Variants in GABRB3 observed in about 807,000 individuals in gnomAD.
GABRB3 encodes gamma-aminobutyric acid receptor subunit beta-3.
GABRB3 carries 14 observed loss-of-function variants against 52.1 expected under a neutral mutation model. The ratio of observed to expected loss-of-function variants is 0.27; its 90% CI spans 0.18 to 0.42. The LOEUF is 0.42. GABRB3 is among the 10% of genes least tolerant of loss of function. The pLI is 1.00. For synonymous variants in GABRB3, 260 were observed against 232.3 expected (o/e 1.12, Z -1.08); for missense variants, 307 against 609.1 (o/e 0.50, Z 5.22).
intron 2 of GABRB3, 73 bp from the exon 3 acceptor site, chr15:26,772,542 C>A: frequency 6.6e-7 from 1 of 1,520,564 alleles, no homozygotes; most frequent in Non-Finnish European, 8.9e-7. Context: ...GGACTGGGGG[C>A]TATCCCAGGA....
chr15:26,725,503 C>T (rs1392444636), intron 3 of GABRB3, among the ~76,000 whole-genome samples: 1 of 152,188 alleles, frequency 6.6e-6, no homozygotes. Flanking sequence ...GAACCTTGAC[C>T]TCATAGTAAG....
intron 3 of GABRB3, among the ~76,000 whole-genome samples, chr15:26,670,721 G>C (rs1000325175): frequency 2.5e-4 from 38 of 152,220 alleles, no homozygotes; most frequent in African/African-American, 9.2e-4. Flanking sequence ...TGAGCAATTT[G>C]ATGAGATTCA....
chr15:26,695,529 TCA>T (rs1491262111), intron 3 of GABRB3, among the ~76,000 whole-genome samples: 6 of 97,924 alleles, frequency 6.1e-5, no homozygotes, highest in African/African-American at 1.5e-4. Context: ...AAATAGTTTC[TCA>T]CAAACAGAAA....
intron 3 of GABRB3, among the ~76,000 whole-genome samples, chr15:26,734,038 T>A (rs1010931693): frequency 6.7e-6 from 1 of 148,158 alleles, no homozygotes; most frequent in Non-Finnish European, 1.5e-5. Flanking sequence ...TTTTTTTTTT[T>A]TTTTTTTTGA....
intron 3 of GABRB3, among the ~76,000 whole-genome samples, chr15:26,638,409 G>A (rs562671132): frequency 6.6e-6 from 1 of 152,286 alleles, no homozygotes; most frequent in African/African-American, 2.4e-5. Context: ...AGGTCTAAAG[G>A]TTAGATTACC....
At chr15:26,657,987 A>T (rs953432180) in intron 3 of GABRB3, among the ~76,000 whole-genome samples, 1 of 152,186 alleles carries the variant, frequency 6.6e-6, no homozygotes, top group Non-Finnish European at 1.5e-5. Context: ...ATGGCTAGGG[A>T]GTCATGCAGC....
At chr15:26,603,210 A>G (rs556672710) in intron 4 of GABRB3, among the ~76,000 whole-genome samples, 2 of 152,088 alleles carry the variant, frequency 1.3e-5, no homozygotes, top group Non-Finnish European at 2.9e-5. Flanking sequence ...TTGAACCACG[A>G]AGAAATCCAA....
chr15:26,768,109 T>C (rs1673493249), intron 3 of GABRB3, among the ~76,000 whole-genome samples: 1 of 152,106 alleles, frequency 6.6e-6, no homozygotes, highest in Admixed American at 6.5e-5. Flanking sequence ...TCATGATAAC[T>C]AAAAATACAC....
chr15:26,604,969 A>G (rs1244073424), intron 4 of GABRB3, among the ~76,000 whole-genome samples: 1 of 152,202 alleles, frequency 6.6e-6, no homozygotes, highest in Non-Finnish European at 1.5e-5. Context: ...CAATCAACAA[A>G]GTAACAGAAT....
intron 3 of GABRB3, among the ~76,000 whole-genome samples, chr15:26,695,088 T>C (rs1391794121): frequency 6.6e-6 from 1 of 152,076 alleles, no homozygotes; most frequent in Admixed American, 6.6e-5. Context: ...AACGTATATG[T>C]AATGGTAATA....
chr15:26,667,769 T>C (rs756936068), intron 3 of GABRB3, among the ~76,000 whole-genome samples: 2 of 152,122 alleles, frequency 1.3e-5, no homozygotes, highest in Non-Finnish European at 2.9e-5. Context: ...GACCAGTTTA[T>C]TCAGAAACTC....
Position 26,611,430 on chromosome 15 carries a change from A to C in GABRB3, c.461+9884T>G, listed in dbSNP as rs138598604. On this transcript the variant is annotated intron_variant, in intron 4 of 8. Transcript: ENST00000311550. Reference sequence around the variant, plus strand: ...TGCTTCTTAGGTTTTCACAAAATTTAATATTATTAAGAATAAGAACTGCAG... The same window carrying C: ...TGCTTCTTAGGTTTTCACAAAATTTCATATTATTAAGAATAAGAACTGCAG... 7.1e-3 allele frequency among the ~76,000 whole-genome samples: 1,083 copies of C among 152,306 alleles called. 35 individuals carry two copies. The highest frequency in any genetic ancestry group is 0.063 in the Admixed American group (966 of 15,292).
At chr15:26,678,119 G>A (rs1214709285) in intron 3 of GABRB3, among the ~76,000 whole-genome samples, 2 of 152,140 alleles carry the variant, frequency 1.3e-5, no homozygotes, top group Admixed American at 6.5e-5. Flanking sequence ...CCATGTGAGG[G>A]CTAGGATAGG....
At chr15:26,618,953 C>G (rs1334206369) in intron 4 of GABRB3, among the ~76,000 whole-genome samples, 3 of 146,928 alleles carry the variant, frequency 2.0e-5, no homozygotes, top group Non-Finnish European at 4.5e-5. Flanking sequence ...AAATGCAAAT[C>G]AAAACCACAA....
At chr15:26,566,972 T>C (rs1595445395) in intron 7 of GABRB3, among the ~76,000 whole-genome samples, 1 of 152,396 alleles carries the variant, frequency 6.6e-6, no homozygotes, top group East Asian at 1.9e-4. Context: ...AGTTTCATAT[T>C]AATCAGCTGA....
intron 3 of GABRB3, among the ~76,000 whole-genome samples, chr15:26,751,008 T>G (rs1035577083): frequency 3.3e-5 from 5 of 152,196 alleles, no homozygotes; most frequent in African/African-American, 1.2e-4. Flanking sequence ...TCCTCTAAAA[T>G]TATGTATTAT....
chr15:26,620,584 G>C (rs1309219315), intron 4 of GABRB3, among the ~76,000 whole-genome samples: 1 of 152,108 alleles, frequency 6.6e-6, no homozygotes, highest in Non-Finnish European at 1.5e-5. Context: ...ACAAAATACT[G>C]TTCTAAATAA....
At chr15:26,748,830 A>T (rs1298534214) in intron 3 of GABRB3, among the ~76,000 whole-genome samples, 1 of 152,102 alleles carries the variant, frequency 6.6e-6, no homozygotes, top group Non-Finnish European at 1.5e-5. Context: ...GTTTGAGACC[A>T]GCCTTGCCAA....
At chr15:26,635,275 C>T (rs1223649932) in intron 3 of GABRB3, among the ~76,000 whole-genome samples, 2 of 151,732 alleles carry the variant, frequency 1.3e-5, no homozygotes, top group South Asian at 2.1e-4. Context: ...TGGAGACTGG[C>T]GAGTGATTCA....
Sources: gnomAD v4.1 joint callset for allele counts (sites outside exome capture counted in the v4.1 genomes callset) on GRCh38, gnomAD v4.1.1 for gene constraint, MANE v1.5 for transcripts, NCBI Gene and HGNC (gene_info 2026-07-23, HGNC 2026-07-21) for gene names.